CPQ: variants seen among roughly 807,000 people sequenced by gnomAD.
The protein encoded by CPQ is carboxypeptidase Q.
CPQ carries 37 observed loss-of-function variants against 45.7 expected under a neutral mutation model. That is an observed-to-expected ratio of 0.81 (90% CI 0.62 to 1.07). CPQ has a LOEUF of 1.07. CPQ is among the 50% of genes least tolerant of loss of function. The pLI, the probability that CPQ is intolerant of heterozygous loss-of-function variation, is 0.00. For missense variants in CPQ, 537 were observed against 572.9 expected, an observed-to-expected ratio of 0.94 and a Z score of 0.64; for synonymous variants, 186 against 205.8, an observed-to-expected ratio of 0.90 and a Z score of 0.82.
chr8:96,942,056 G>T (rs1355964558), intron 4 of CPQ, among the ~76,000 whole-genome samples: 1 of 152,092 alleles, frequency 6.6e-6, no homozygotes, highest in Non-Finnish European at 1.5e-5. Context: ...CTCTAGAGAA[G>T]ATTAATTTAT....
chr8:96,987,696 C>G (rs1007487529), intron 5 of CPQ, among the ~76,000 whole-genome samples: 1 of 152,206 alleles, frequency 6.6e-6, no homozygotes, highest in Non-Finnish European at 1.5e-5. Flanking sequence ...TCTTAAACAT[C>G]ACATTACTGA....
intron 4 of CPQ, among the ~76,000 whole-genome samples, chr8:96,889,703 G>A (rs1005148041): frequency 2.0e-5 from 3 of 152,156 alleles, no homozygotes; most frequent in Non-Finnish European, 4.4e-5. Flanking sequence ...AGAGCCCTTG[G>A]CAAACCACTA....
At chr8:96,744,339 G>T (rs115795984) in intron 1 of CPQ, among the ~76,000 whole-genome samples, 1 of 152,130 alleles carries the variant, frequency 6.6e-6, no homozygotes, top group African/African-American at 2.4e-5. Context: ...TTCTGCTCTC[G>T]CACAGTGCGC....
intron 1 of CPQ, among the ~76,000 whole-genome samples, chr8:96,782,980 C>T (rs1226363247): frequency 6.6e-6 from 1 of 152,160 alleles, no homozygotes; most frequent in African/African-American, 2.4e-5. Context: ...CCTGTACTGT[C>T]CATATTTCTG....
chr8:96,765,875 A>G (rs1232046828), intron 1 of CPQ, among the ~76,000 whole-genome samples: 4 of 152,188 alleles, frequency 2.6e-5, no homozygotes, highest in African/African-American at 4.8e-5. Flanking sequence ...TCTGCCTTCA[A>G]TGAACCTTTG....
intron 4 of CPQ, among the ~76,000 whole-genome samples, chr8:96,912,006 C>T (rs985072075): frequency 8.5e-5 from 13 of 152,152 alleles, no homozygotes; most frequent in African/African-American, 2.2e-4. Flanking sequence ...GTGATGATAA[C>T]GGTGCCCACC....
chr8:96,720,639 TTCTC>T (rs1205249569), intron 1 of CPQ, among the ~76,000 whole-genome samples: 9 of 151,982 alleles, frequency 5.9e-5, no homozygotes, highest in Non-Finnish European at 1.0e-4. Flanking sequence ...AGGGCAGTGT[TTCTC>T]TATCTTTTTT....
intron 7 of CPQ, among the ~76,000 whole-genome samples, chr8:97,069,859 T>C (rs1210842774): frequency 1.3e-5 from 2 of 152,130 alleles, no homozygotes; most frequent in South Asian, 4.1e-4. Flanking sequence ...ATGTATACTA[T>C]TTACCAAAAT....
At chr8:96,834,189 AC>A (rs1259719154) in intron 2 of CPQ, among the ~76,000 whole-genome samples, 3 of 152,184 alleles carry the variant, frequency 2.0e-5, no homozygotes, top group Non-Finnish European at 4.4e-5. Flanking sequence ...AAGATGTGAA[AC>A]CCTGTTCCCT....
rs571472680 is a variant in CPQ at position 96,783,170 on chromosome 8, G to A, written c.-34-1694G>A. Among the ~76,000 whole-genome samples the A allele has an allele frequency of 1.2e-3, 182 of 151,906 alleles. 2 individuals carry two copies. The highest frequency in any genetic ancestry group is 4.0e-3 in the African/African-American group (166 of 41,458). On this transcript the variant is annotated intron_variant, in intron 1 of 7. Coordinates refer to ENST00000220763, the MANE Select transcript of CPQ (RefSeq NM_016134.4). ...TTCCAAATTCTTCCGGCCTCTCCCC[G>A]TTACCCAATTTCAAAGCTGCGTTCA...
chr8:97,086,826 A>C (rs955691304), intron 7 of CPQ, among the ~76,000 whole-genome samples: 2 of 152,156 alleles, frequency 1.3e-5, no homozygotes, highest in Non-Finnish European at 1.5e-5. Context: ...GTCTCATATT[A>C]ATTAAATTTA....
chr8:96,896,739 A>G (rs1427395392), intron 4 of CPQ, among the ~76,000 whole-genome samples: 1 of 152,028 alleles, frequency 6.6e-6, no homozygotes, highest in African/African-American at 2.4e-5. Context: ...CAAATCCCAT[A>G]CCTTATTTAT....
chr8:96,768,966 C>T lies in CPQ; in HGVS notation c.-34-15898C>T, dbSNP rs535017084. Among the ~76,000 whole-genome samples, 285 of 152,302 alleles carry T rather than the reference C, an allele frequency of 1.9e-3. 1 individual carries two copies. The highest frequency in any genetic ancestry group is 6.6e-3 in the African/African-American group (275 of 41,570). On this transcript the variant is annotated intron_variant, in intron 1 of 7. Coordinates refer to ENST00000220763, the MANE Select transcript of CPQ (RefSeq NM_016134.4). ...AACATGCTGTTTAGCAATAAAAACA[C>T]ATGAGTACAATCAGCTTACTGTAAC...
At chr8:97,015,410 T>C (rs889552103) in intron 5 of CPQ, among the ~76,000 whole-genome samples, 5 of 151,468 alleles carry the variant, frequency 3.3e-5, no homozygotes, top group African/African-American at 1.2e-4. Flanking sequence ...TATCAGGCAA[T>C]TTAAATTAAA....
In CPQ at chr8:96,784,871, TAAC is replaced by T; in HGVS notation, c.-24_-22del. 1 of 1,577,844 alleles carries T rather than the reference TAAC, an allele frequency of 6.3e-7. No individual in the cohort carries two copies. The highest frequency in any genetic ancestry group is 8.6e-7 in the Non-Finnish European group (1 of 1,164,126). On this transcript the variant is annotated 5_prime_UTR_variant, in exon 2 of 8. Transcript: ENST00000220763. Reference sequence around the variant, plus strand: ...TGTTTCTTATTTATGTAGATTATCTTAACAAGAAAACCAACTGGAAAAAAAAAT... The same window carrying T: ...TGTTTCTTATTTATGTAGATTATCTTAAGAAAACCAACTGGAAAAAAAAAT...
chr8:96,748,923 T>C (rs1295337790), intron 1 of CPQ, among the ~76,000 whole-genome samples: 1 of 152,178 alleles, frequency 6.6e-6, no homozygotes, highest in African/African-American at 2.4e-5. Context: ...TTCCTGCTCA[T>C]TTTTCAAGAC....
At chr8:96,887,095 C>T (rs1175228305) in intron 4 of CPQ, among the ~76,000 whole-genome samples, 2 of 152,154 alleles carry the variant, frequency 1.3e-5, no homozygotes, top group African/African-American at 2.4e-5. Flanking sequence ...CTTTATGACG[C>T]CTTGTTCCCC....
Position 96,772,730 on chromosome 8 carries a change from A to T in CPQ, c.-34-12134A>T, listed in dbSNP as rs541807795. 8.5e-5 allele frequency among the ~76,000 whole-genome samples: 13 copies of T among 152,282 alleles called. 1 individual carries two copies. The South Asian group carries it at 2.7e-3, about 32-fold the overall frequency. Reference sequence around the variant, plus strand: ...AGATGTCAGATATGATAGAAATTGAAATGTTTTCATTGGAGTTAGGGACAA... The same window carrying T: ...AGATGTCAGATATGATAGAAATTGATATGTTTTCATTGGAGTTAGGGACAA... On this transcript the variant is annotated intron_variant, in intron 1 of 7. Coordinates refer to ENST00000220763, the MANE Select transcript of CPQ (RefSeq NM_016134.4).
chr8:96,670,059 A>G (rs1229102741), intron 1 of CPQ, among the ~76,000 whole-genome samples: 1 of 152,224 alleles, frequency 6.6e-6, no homozygotes, highest in East Asian at 1.9e-4. Context: ...ATCTGAACAA[A>G]GCTTATCGCA....
Sources: allele counts gnomAD v4.1 joint callset (sites outside exome capture counted in the v4.1 genomes callset), GRCh38; gene constraint gnomAD v4.1.1; transcripts MANE v1.5; gene names NCBI Gene and HGNC (gene_info 2026-07-23, HGNC 2026-07-21).